EDARADD: variants seen among roughly 807,000 people sequenced by gnomAD.
EDARADD encodes the protein EDAR associated via death domain.
Under a neutral mutation model 25.6 loss-of-function variants are expected in EDARADD, and 20 were observed. That is an observed-to-expected ratio of 0.78 (90% CI 0.55 to 1.14). The LOEUF (loss-of-function observed/expected upper bound fraction) is 1.14. Ranked by LOEUF, EDARADD falls within the 50% of genes most tolerant of loss-of-function variation. The pLI, the probability that EDARADD is intolerant of heterozygous loss-of-function variation, is 0.00. For missense variants in EDARADD, 225 were observed against 270.1 expected (o/e 0.83, Z 1.17); for synonymous variants, 86 against 94.4 (o/e 0.91, Z 0.52).
chr1:236,403,373 C>T (rs893708416), intron 1 of EDARADD, among the ~76,000 whole-genome samples: 10 of 152,162 alleles, frequency 6.6e-5, no homozygotes, highest in Non-Finnish European at 1.0e-4. Context: ...CTGCAACCTC[C>T]GCCTTCCGGG....
At position 236,467,457 on chromosome 1, in the gene EDARADD, T is replaced by TACAC. The variant is rs928295054; in HGVS notation, c.220-769_220-766dup. Among the ~76,000 whole-genome samples, 187 of 103,594 alleles carry TACAC rather than the reference T, an allele frequency of 1.8e-3. 4 individuals are homozygous for TACAC. In the East Asian group the frequency reaches 0.073, roughly 40 times the overall value. 68.0% of individuals were successfully genotyped at this position (103,594 alleles called of 152,430 possible). On this transcript the variant is annotated intron_variant, in intron 4 of 5. Coordinates refer to ENST00000334232, the MANE Select transcript of EDARADD (RefSeq NM_145861.4). ...ACACACACACACACACACACACACA[T>TACAC]ACACACACCTGTCCAAGATCAGAAA...
chr1:236,480,585 C>G (rs957013567), intron 5 of EDARADD, among the ~76,000 whole-genome samples: 13 of 152,080 alleles, frequency 8.5e-5, no homozygotes, highest in African/African-American at 3.1e-4. Context: ...ACTGGGAAGG[C>G]CATGACTCAA....
At position 236,409,219 on chromosome 1, in the gene EDARADD, A is replaced by G; in HGVS notation, c.65A>G (p.His22Arg). The G allele has an allele frequency of 1.9e-6, 3 of 1,612,256 alleles. No homozygotes were observed. Among genetic ancestry groups the G allele is most frequent in the Non-Finnish European group, 2.5e-6 (3 of 1,179,198 alleles). Residue 22 changes from histidine to arginine, a missense_variant, in exon 2 of 6, where the codon CAT becomes CGT. Physicochemically the swap from His to Arg is conservative, Grantham distance 29. Coordinates refer to ENST00000334232, the MANE Select transcript of EDARADD (RefSeq NM_145861.4). ...TTTGTTTTTGTTCTTTTTACAGATCATATGGTAAAGGAACCAGTGGAAGAC... is the reference window on the plus strand; with the variant it reads ...TTTGTTTTTGTTCTTTTTACAGATCGTATGGTAAAGGAACCAGTGGAAGAC... ...GTKAPGHQED[H>R]MVKEPVEDTD... is the part of the protein sequence containing the mutation.
intron 3 of EDARADD, among the ~76,000 whole-genome samples, chr1:236,359,283 C>A (rs1328907542): frequency 6.6e-6 from 1 of 152,164 alleles, no homozygotes; most frequent in Non-Finnish European, 1.5e-5. Flanking sequence ...AAATGTAATT[C>A]CCAATGCAAC....
intron 3 of EDARADD, among the ~76,000 whole-genome samples, chr1:236,354,236 A>C (rs1330518354): frequency 1.3e-5 from 2 of 152,364 alleles, no homozygotes; most frequent in African/African-American, 2.4e-5. Flanking sequence ...GCTTGTGCAC[A>C]AATGACTTAC....
At chr1:236,444,993 G>T (rs1658494571) in intron 4 of EDARADD, among the ~76,000 whole-genome samples, 3 of 151,706 alleles carry the variant, frequency 2.0e-5, no homozygotes, top group South Asian at 4.2e-4. Flanking sequence ...GTTATAAATG[G>T]TATTGTGTTT....
At chr1:236,467,414 G>T (rs956952751) in intron 4 of EDARADD, among the ~76,000 whole-genome samples, 1 of 101,320 alleles carries the variant, frequency 9.9e-6, no homozygotes, top group African/African-American at 4.8e-5. Flanking sequence ...TTCATGGGAA[G>T]CACACACACG....
At chr1:236,466,440 A>ACACACACACACACACAC (rs1553270444) in intron 4 of EDARADD, among the ~76,000 whole-genome samples, 1 of 124,344 alleles carries the variant, frequency 8.0e-6, no homozygotes. Flanking sequence ...CTCTCTGATA[A>ACACACACACACACACAC]ACACACACAC....
chr1:236,481,464 G>T (rs1558139622), intron 5 of EDARADD, among the ~76,000 whole-genome samples: 1 of 151,960 alleles, frequency 6.6e-6, no homozygotes. Flanking sequence ...TTCATCTTTG[G>T]CTATAAAGAA....
At chr1:236,375,580 C>A (rs1274123965) in intron 3 of EDARADD, among the ~76,000 whole-genome samples, 1 of 145,802 alleles carries the variant, frequency 6.9e-6, no homozygotes, top group Non-Finnish European at 1.5e-5. Flanking sequence ...CGCTTGAACC[C>A]AGGAGGTGGA....
intron 4 of EDARADD, among the ~76,000 whole-genome samples, chr1:236,435,976 T>A (rs1292301625): frequency 6.6e-6 from 1 of 152,036 alleles, no homozygotes. Context: ...ATAAGAGTCG[T>A]CAAAGGCATA....
rs968171489 is a variant in EDARADD at position 236,395,366 on chromosome 1, C to G, written c.61+861C>G. The G allele has an allele frequency of 1.5e-6, 2 of 1,348,578 alleles. No individual in the cohort carries two copies. Among genetic ancestry groups the G allele is most frequent in the African/African-American group, 3.1e-5 (2 of 64,574 alleles). The allele number at this position is 1,348,578 out of a possible 1,614,324, so 83.5% of individuals were successfully genotyped here. On this transcript the variant is annotated intron_variant, in intron 1 of 5. Coordinates refer to ENST00000334232, the MANE Select transcript of EDARADD (RefSeq NM_145861.4). This position sits in a 1 kb window ranked among gnomAD's most constrained non-coding sequence, Gnocchi z 6.9. ...GGTCGCGGCACCCCGGCTCCCGCCC[C>G]GCGCCTCTGGAGGGAGGTACCGAGG...
At chr1:236,419,251 G>C (rs1657718372) in intron 3 of EDARADD, among the ~76,000 whole-genome samples, 1 of 152,112 alleles carries the variant, frequency 6.6e-6, no homozygotes. Flanking sequence ...TTAATTAGCT[G>C]AGTGTAGTGG....
At chr1:236,389,411 G>T (rs1443540688), upstream of EDARADD, among the ~76,000 whole-genome samples, 2 of 152,158 alleles carry the variant, frequency 1.3e-5, no homozygotes, top group Non-Finnish European at 2.9e-5. Flanking sequence ...ACCAAACACT[G>T]CTCATGCTTC....
At chr1:236,456,035 C>G (rs376265466) in intron 4 of EDARADD, among the ~76,000 whole-genome samples, 2 of 152,132 alleles carry the variant, frequency 1.3e-5, no homozygotes, top group Non-Finnish European at 2.9e-5. Flanking sequence ...GTAATCCGCC[C>G]GCCTCGGCCT....
chr1:236,349,475 C>A (rs1490554660), intron 2 of EDARADD, among the ~76,000 whole-genome samples: 1 of 139,462 alleles, frequency 7.2e-6, no homozygotes. Flanking sequence ...TATGAGACAT[C>A]AATCAAATAC....
rs1029042580 is a variant in EDARADD at position 236,441,146 on chromosome 1, A to T, written c.219+13696A>T. On this transcript the variant is annotated intron_variant, in intron 4 of 5. Transcript: ENST00000334232. Reference sequence around the variant, plus strand: ...AAATGATAAGAAAGCCATTATTCTTATCTTATACTTATCTTATTGCTGATA... The same window carrying T: ...AAATGATAAGAAAGCCATTATTCTTTTCTTATACTTATCTTATTGCTGATA... Among the ~76,000 whole-genome samples the T allele has an allele frequency of 4.0e-4, 61 of 151,692 alleles. 3 individuals carry two copies. The highest frequency in any genetic ancestry group is 1.5e-5 in the Non-Finnish European group (1 of 67,938).
At chr1:236,450,818 A>C (rs1207354166) in intron 4 of EDARADD, among the ~76,000 whole-genome samples, 2 of 152,116 alleles carry the variant, frequency 1.3e-5, no homozygotes, top group Non-Finnish European at 2.9e-5. Flanking sequence ...CAAAGTGCTG[A>C]GATTACAGGC....
chr1:236,395,576 C>G lies in EDARADD; in HGVS notation c.61+1071C>G. 1 of 1,545,198 alleles carries G rather than the reference C, an allele frequency of 6.5e-7. No homozygotes were observed. Among genetic ancestry groups the G allele is most frequent in the African/African-American group, 1.4e-5 (1 of 73,222 alleles). The stretch of plus-strand genomic sequence containing the variant: ...CCCGTGGTCCCACGGTCCTCCCGCG[C>G]CCCGGAGGCCTGCCAGCCCCGCTCG... On this transcript the variant is annotated intron_variant, in intron 1 of 5. Transcript: ENST00000334232. The surrounding 1 kb of genome is among the most constrained non-coding windows in gnomAD (Gnocchi z 6.9).
Sources: gnomAD v4.1 joint callset for allele counts (sites outside exome capture counted in the v4.1 genomes callset) on GRCh38, gnomAD v4.1.1 for gene constraint, Gnocchi (gnomAD v3.1) non-coding constraint, MANE v1.5 for transcripts, NCBI Gene and HGNC (gene_info 2026-07-23, HGNC 2026-07-21) for gene names.